AUTS2: variants seen among roughly 807,000 people sequenced by gnomAD.
AUTS2 encodes activator of transcription and developmental regulator AUTS2, also known as autism susceptibility gene 2 protein.
AUTS2 carries 17 observed loss-of-function variants against 112.4 expected under a neutral mutation model. That is an observed-to-expected ratio of 0.15 (90% CI 0.10 to 0.23). AUTS2 has a LOEUF of 0.23. AUTS2 is among the 10% of genes least tolerant of loss of function. The pLI, the probability that AUTS2 is intolerant of heterozygous loss-of-function variation, is 1.00. For missense variants in AUTS2, 1,510 were observed against 1,701.6 expected, an observed-to-expected ratio of 0.89 and a Z score of 1.98; for synonymous variants, 751 against 702.7, an observed-to-expected ratio of 1.07 and a Z score of -1.09.
chr7:70,148,811 AT>A (rs1180984514), intron 4 of AUTS2, among the ~76,000 whole-genome samples: 2 of 151,874 alleles, frequency 1.3e-5, no homozygotes, highest in Non-Finnish European at 2.9e-5. Context: ...AGTGAAAAAT[AT>A]GATGAGAATT....
chr7:69,671,871 A>G (rs1796344191), intron 1 of AUTS2, among the ~76,000 whole-genome samples: 1 of 152,030 alleles, frequency 6.6e-6, no homozygotes, highest in African/African-American at 2.4e-5. Flanking sequence ...AATGTGTACA[A>G]TGCAACAGAA....
At chr7:70,130,419 T>C (rs1216018193) in intron 3 of AUTS2, among the ~76,000 whole-genome samples, 1 of 152,078 alleles carries the variant, frequency 6.6e-6, no homozygotes, top group Admixed American at 6.6e-5. Context: ...GATAGCTTAG[T>C]GAAGAGATGG....
chr7:69,987,263 T>G (rs574653292), intron 2 of AUTS2, among the ~76,000 whole-genome samples: 1 of 152,342 alleles, frequency 6.6e-6, no homozygotes, highest in Non-Finnish European at 1.5e-5. Flanking sequence ...GGAAGACTTT[T>G]GTAGATTAAA....
intron 4 of AUTS2, among the ~76,000 whole-genome samples, chr7:70,212,694 A>G (rs1365957252): frequency 6.6e-6 from 1 of 152,024 alleles, no homozygotes; most frequent in African/African-American, 2.4e-5. Flanking sequence ...CTTTCAGGAA[A>G]AAAAAAAATG....
chr7:70,512,650 G>A (rs534220793), intron 5 of AUTS2, among the ~76,000 whole-genome samples: 38 of 152,266 alleles, frequency 2.5e-4, no homozygotes, highest in African/African-American at 8.2e-4. Context: ...GTTAAGCAAG[G>A]AACTTTCATC....
At chr7:69,871,507 G>A (rs538714296) in intron 1 of AUTS2, among the ~76,000 whole-genome samples, 1 of 152,270 alleles carries the variant, frequency 6.6e-6, no homozygotes, top group Admixed American at 6.5e-5. Flanking sequence ...ATTAGGGACA[G>A]TAAGAGAGCT....
chr7:70,640,438 AAAAACCAT>A (rs2129540079), intron 5 of AUTS2, among the ~76,000 whole-genome samples: 1 of 151,372 alleles, frequency 6.6e-6, no homozygotes, highest in South Asian at 2.1e-4. Flanking sequence ...AAAAAAAAAA[AAAAACCAT>A]AAAAAATCCT....
chr7:69,989,157 A>G (rs557885427), intron 2 of AUTS2, among the ~76,000 whole-genome samples: 1 of 152,332 alleles, frequency 6.6e-6, no homozygotes, highest in East Asian at 1.9e-4. Context: ...CCAGATAGTC[A>G]AGACTTGAAT....
intron 1 of AUTS2, among the ~76,000 whole-genome samples, chr7:69,835,727 A>G (rs1791693279): frequency 6.6e-6 from 1 of 152,206 alleles, no homozygotes; most frequent in Non-Finnish European, 1.5e-5. Flanking sequence ...CATGTCATTA[A>G]AGAGTTTCAT....
At chr7:70,484,889 C>A (rs547248113) in intron 5 of AUTS2, among the ~76,000 whole-genome samples, 1 of 152,278 alleles carries the variant, frequency 6.6e-6, no homozygotes, top group East Asian at 1.9e-4. Flanking sequence ...AAATGCTCAA[C>A]ATCACTAATT....
intron 1 of AUTS2, among the ~76,000 whole-genome samples, chr7:69,815,009 A>G (rs1188447827): frequency 1.3e-5 from 2 of 152,208 alleles, no homozygotes; most frequent in Non-Finnish European, 2.9e-5. Context: ...TTTATTTTTT[A>G]AAATAGTGAT....
At chr7:70,426,773 C>G (rs544072159) in intron 4 of AUTS2, among the ~76,000 whole-genome samples, 3 of 151,856 alleles carry the variant, frequency 2.0e-5, no homozygotes, top group Non-Finnish European at 2.9e-5. Flanking sequence ...TTAGCTAGCT[C>G]ATATCACTGC....
At position 70,486,279 on chromosome 7, in the gene AUTS2, C is replaced by T. The variant is rs189728267; in HGVS notation, c.690+50498C>T. ...CTGCTGAGGCTCACATCTTGTCTCT[C>T]GCTGTACCCTTGGGGAAGTTATCAA... On this transcript the variant is annotated intron_variant, in intron 5 of 18. Coordinates refer to ENST00000342771, the MANE Select transcript of AUTS2 (RefSeq NM_015570.4). 6.1e-4 allele frequency among the ~76,000 whole-genome samples: 93 copies of T among 152,276 alleles called. 1 individual carries two copies. Among genetic ancestry groups the T allele is most frequent in the African/African-American group, 1.9e-3 (77 of 41,576 alleles).
intron 4 of AUTS2, chr7:70,292,912 G>A (rs1443038539): frequency 1.3e-5 from 2 of 152,094 alleles, no homozygotes; most frequent in Admixed American, 6.5e-5. Context: ...TTAACAAAGC[G>A]CTGTCACAGA....
chr7:69,800,061 A>T (rs1790016453), intron 1 of AUTS2, among the ~76,000 whole-genome samples: 1 of 152,256 alleles, frequency 6.6e-6, no homozygotes, highest in African/African-American at 2.4e-5. Flanking sequence ...GTATGTAAGG[A>T]TAGATCAGTA....
chr7:70,219,816 C>T (rs576023807), intron 4 of AUTS2, among the ~76,000 whole-genome samples: 25 of 152,178 alleles, frequency 1.6e-4, no homozygotes, highest in South Asian at 4.1e-4. Flanking sequence ...TTGATCCACC[C>T]GCCTCGGCCT....
chr7:70,609,959 T>TTTGTTG (rs200432278), intron 5 of AUTS2, among the ~76,000 whole-genome samples: 2,777 of 122,930 alleles, frequency 0.023, 47 homozygotes, highest in African/African-American at 0.049. Context: ...AGTTCTGTTT[T>TTTGTTG]TTGTTGTTGT....
At chr7:70,701,208 G>A (rs911364864) in intron 6 of AUTS2, among the ~76,000 whole-genome samples, 14 of 152,346 alleles carry the variant, frequency 9.2e-5, no homozygotes, top group Admixed American at 2.0e-4. Context: ...AAATTTCACC[G>A]TGGGAGGGCA....
At chr7:70,094,841 T>G (rs746660434) in intron 2 of AUTS2, among the ~76,000 whole-genome samples, 1 of 152,124 alleles carries the variant, frequency 6.6e-6, no homozygotes, top group Non-Finnish European at 1.5e-5. Context: ...TGAAACAAAA[T>G]GCAGTGGTAG....
Sources: gnomAD v4.1 joint callset for allele counts (sites outside exome capture counted in the v4.1 genomes callset) on GRCh38, gnomAD v4.1.1 for gene constraint, MANE v1.5 for transcripts, NCBI Gene and HGNC (gene_info 2026-07-23, HGNC 2026-07-21) for gene names.